ZPLD1: variants seen among roughly 807,000 people sequenced by gnomAD.
ZPLD1 encodes the protein zona pellucida-like domain-containing protein 1.
In ZPLD1, 34 loss-of-function variants were observed where a neutral mutation model predicts 47.2. The observed-to-expected ratio is 0.72, with a 90% confidence interval of 0.55 to 0.96. The LOEUF is 0.96. Ranked by LOEUF, ZPLD1 falls within the 40% of genes least tolerant of loss-of-function variation. ZPLD1 has a pLI of 0.00. For missense variants in ZPLD1, 512 were observed against 505.8 expected, an observed-to-expected ratio of 1.01 and a Z score of -0.12; for synonymous variants, 176 against 186.2, an observed-to-expected ratio of 0.95 and a Z score of 0.45.
intron 4 of ZPLD1, among the ~76,000 whole-genome samples, chr3:102,455,265 C>T (rs184701427): frequency 1.4e-3 from 213 of 152,144 alleles, no homozygotes; most frequent in African/African-American, 5.0e-3. Flanking sequence ...TTGACAAGGT[C>T]GAAGAAGCTA....
chr3:102,453,734 C>G (rs1707373758), intron 4 of ZPLD1, among the ~76,000 whole-genome samples: 1 of 152,224 alleles, frequency 6.6e-6, no homozygotes, highest in Non-Finnish European at 1.5e-5. Context: ...GTAGCACACT[C>G]TCTCTAGTCA....
chr3:102,452,805 T>C (rs1322283148), intron 3 of ZPLD1, 114 bp from the exon 4 acceptor site: 5 of 1,206,626 alleles, frequency 4.1e-6, no homozygotes, highest in South Asian at 1.5e-5. Flanking sequence ...GTATCAAATA[T>C]AAAAATGAGT....
At chr3:102,413,911 T>A (rs757532763) in intron 7 of ZPLD1, among the ~76,000 whole-genome samples, 1 of 151,862 alleles carries the variant, frequency 6.6e-6, no homozygotes, top group Non-Finnish European at 1.5e-5. Flanking sequence ...TTGATTGCTT[T>A]TTTTTTGTAA....
chr3:102,475,492 A>C (rs1559763586), intron 10 of ZPLD1, among the ~76,000 whole-genome samples: 1 of 152,218 alleles, frequency 6.6e-6, no homozygotes. Flanking sequence ...AGCTTTCAAA[A>C]ATAAATTTTT....
chr3:102,455,183 T>C (rs551924475), intron 4 of ZPLD1, among the ~76,000 whole-genome samples: 1 of 152,356 alleles, frequency 6.6e-6, no homozygotes, highest in South Asian at 2.1e-4. Context: ...TTTACTCTAT[T>C]GTTGAAAATT....
chr3:102,407,031 G>A (rs1437257502), intron 7 of ZPLD1, among the ~76,000 whole-genome samples: 1 of 151,756 alleles, frequency 6.6e-6, no homozygotes, highest in Non-Finnish European at 1.5e-5. Flanking sequence ...TGCAGGTTCT[G>A]TGGGAGTAGC....
At position 102,408,531 on chromosome 3, in the gene ZPLD1, A is replaced by G. The variant is rs1182828538; in HGVS notation, c.-156-9529A>G. Among the ~76,000 whole-genome samples the G allele has an allele frequency of 2.0e-5, 3 of 151,922 alleles. No individual in the cohort carries two copies. The East Asian group carries it at 5.8e-4, about 29-fold the overall frequency. On this transcript the variant is annotated intron_variant, in intron 7 of 17. Transcript: ENST00000491959. Reference sequence around the variant, plus strand: ...CTTAAAAATGTCTAGCACAGGGATGATTTCTGCAGAAACTGAGAATGAAAG... The same window carrying G: ...CTTAAAAATGTCTAGCACAGGGATGGTTTCTGCAGAAACTGAGAATGAAAG...
intron 5 of ZPLD1, among the ~76,000 whole-genome samples, 171 bp downstream of exon 5, chr3:102,456,545 ATATCTATCTATCTATCTATCTATC>A (rs3077584): frequency 1.4e-5 from 2 of 147,034 alleles, no homozygotes; most frequent in Non-Finnish European, 3.0e-5. Context: ...TTTATCTATT[ATATCTATCTATCTATCTATCTATC>A]TATCTATCTA....
chr3:102,405,278 TAC>T (rs1706668565), intron 7 of ZPLD1, among the ~76,000 whole-genome samples: 2 of 152,024 alleles, frequency 1.3e-5, no homozygotes, highest in Non-Finnish European at 2.9e-5. Flanking sequence ...ACCTTTTCTT[TAC>T]CCAACACCCA....
In ZPLD1 at chr3:102,469,025, T is replaced by C. The variant is rs763289263; in HGVS notation, c.823T>C (p.Ser275Pro). The change falls in exon 9 of 12, where the codon TCT becomes CCT. Residue 275 changes from serine to proline, a missense_variant. Transcript: ENST00000466937. ...TGGCCGAAGCCAGCGGGGCCGGTTT[T>C]CTTTTGAAGTGTTCCGATTTGTGAA... ...ENGRSQRGRFSFEVFRFVKHK... is the reference protein window; with the variant it reads ...ENGRSQRGRFPFEVFRFVKHK... 3.1e-6 allele frequency: 5 copies of C among 1,614,146 alleles called. No homozygotes were observed. The South Asian group carries it at 5.5e-5, about 18-fold the overall frequency.
chr3:102,444,254 T>C (rs1707223047), intron 3 of ZPLD1, among the ~76,000 whole-genome samples: 1 of 152,226 alleles, frequency 6.6e-6, no homozygotes, highest in African/African-American at 2.4e-5. Flanking sequence ...AAAGTTTGCC[T>C]CAGACTGCTT....
Position 102,436,921 on chromosome 3 carries a change from T to G in ZPLD1, c.-61T>G. 1.3e-5 allele frequency: 13 copies of G among 985,504 alleles called. No homozygotes were observed. Among genetic ancestry groups the G allele is most frequent in the Non-Finnish European group, 1.3e-5 (11 of 830,000 alleles). 61.0% of individuals were successfully genotyped at this position (985,504 alleles called of 1,614,324 possible). On this transcript the variant is annotated 5_prime_UTR_variant, in exon 2 of 12. Transcript: ENST00000466937. ...AGAGTTTCCAATGTCTTCCAGGAGT[T>G]CTTGGGACCCATCATGAGAAGGAAG...
intron 2 of ZPLD1, 89 bp downstream of exon 2, chr3:102,437,062 T>A (rs1707102168): frequency 1.8e-6 from 1 of 546,962 alleles, no homozygotes; most frequent in South Asian, 7.9e-5. Context: ...TGTCTTATTC[T>A]AGTTGAAGTA....
chr3:102,471,931 T>A (rs1707691932), intron 10 of ZPLD1, among the ~76,000 whole-genome samples: 1 of 152,206 alleles, frequency 6.6e-6, no homozygotes. Flanking sequence ...GTTTTCTTCA[T>A]TTTATATTAG....
intron 8 of ZPLD1, among the ~76,000 whole-genome samples, chr3:102,421,343 G>T (rs1354895470): frequency 6.6e-6 from 1 of 151,620 alleles, no homozygotes; most frequent in African/African-American, 2.4e-5. Flanking sequence ...GAAATAATTT[G>T]TGACCAACTT....
intron 10 of ZPLD1, among the ~76,000 whole-genome samples, chr3:102,474,232 G>C (rs1346092136): frequency 6.6e-6 from 1 of 152,152 alleles, no homozygotes; most frequent in Non-Finnish European, 1.5e-5. Context: ...ATAGGGAAAT[G>C]CTAATCAAAG....
intron 10 of ZPLD1, among the ~76,000 whole-genome samples, chr3:102,471,749 C>A (rs978851974): frequency 6.6e-6 from 1 of 152,082 alleles, no homozygotes; most frequent in Non-Finnish European, 1.5e-5. Flanking sequence ...TATTTCATTT[C>A]TTTGGGAAAA....
At chr3:102,408,593 A>G (rs182881958) in intron 7 of ZPLD1, among the ~76,000 whole-genome samples, 235 of 151,888 alleles carry the variant, frequency 1.5e-3, no homozygotes, top group African/African-American at 5.4e-3. Flanking sequence ...AGAGACTTAC[A>G]GGAAAGAGAG....
chr3:102,411,032 A>G (rs1706742758), intron 7 of ZPLD1, among the ~76,000 whole-genome samples: 1 of 151,850 alleles, frequency 6.6e-6, no homozygotes, highest in South Asian at 2.1e-4. Flanking sequence ...ACCAGTTTCT[A>G]AGAAAGAATT....
Sources: gnomAD v4.1 joint callset for allele counts (sites outside exome capture counted in the v4.1 genomes callset) on GRCh38, gnomAD v4.1.1 for gene constraint, MANE v1.5 for transcripts, NCBI Gene and HGNC (gene_info 2026-07-23, HGNC 2026-07-21) for gene names.